Variants in ARB2A observed in about 807,000 individuals in gnomAD.
ARB2A encodes ARB2 cotranscriptional regulator A.
the ARB2A span, among the ~76,000 whole-genome samples, chr5:93,705,864 T>C: frequency 1.3e-5 from 2 of 152,114 alleles, no homozygotes; most frequent in African/African-American, 2.4e-5. Flanking sequence ...GTATTTGAGA[T>C]TACTTGCTAA....
chr5:94,051,362 T>C, the ARB2A span, among the ~76,000 whole-genome samples: 3 of 152,232 alleles, frequency 2.0e-5, no homozygotes, highest in African/African-American at 7.2e-5. Flanking sequence ...ATTTCTCAAC[T>C]AGGTCTTCAA....
chr5:93,985,323 T>A, the ARB2A span, among the ~76,000 whole-genome samples: 1 of 152,160 alleles, frequency 6.6e-6, no homozygotes, highest in African/African-American at 2.4e-5. Context: ...TTAAGTTACT[T>A]AATGCTTCTC....
the ARB2A span, among the ~76,000 whole-genome samples, chr5:93,718,421 A>C: frequency 6.6e-6 from 1 of 152,038 alleles, no homozygotes; most frequent in African/African-American, 2.4e-5. Flanking sequence ...TGGGCAATGG[A>C]GCGAGACTCC....
the ARB2A span, among the ~76,000 whole-genome samples, chr5:93,844,289 C>T: frequency 6.6e-6 from 1 of 151,732 alleles, no homozygotes; most frequent in Non-Finnish European, 1.5e-5. Context: ...ACTAACAATA[C>T]AAAAATTAGC....
chr5:93,865,008 G>C, the ARB2A span, among the ~76,000 whole-genome samples: 2 of 152,138 alleles, frequency 1.3e-5, no homozygotes, highest in Non-Finnish European at 2.9e-5. Context: ...GAAGAGATCT[G>C]TTCCAACATG....
chr5:93,927,616 A>G, the ARB2A span, among the ~76,000 whole-genome samples: 4 of 152,198 alleles, frequency 2.6e-5, no homozygotes, highest in Non-Finnish European at 5.9e-5. Flanking sequence ...ATTTACTAGT[A>G]ATAAAGATGA....
At chr5:93,829,991 C>G in the ARB2A span, among the ~76,000 whole-genome samples, 1 of 151,978 alleles carries the variant, frequency 6.6e-6, no homozygotes, top group Admixed American at 6.6e-5. Context: ...TAGCACTTTT[C>G]TGTAGACATA....
At chr5:93,769,180 T>C in the ARB2A span, among the ~76,000 whole-genome samples, 1 of 152,174 alleles carries the variant, frequency 6.6e-6, no homozygotes, top group Non-Finnish European at 1.5e-5. Context: ...TGTATGTTTA[T>C]AGGCAATTTC....
At chr5:93,621,089 C>T in the ARB2A span, 1 of 1,612,150 alleles carries the variant, frequency 6.2e-7, no homozygotes, top group Non-Finnish European at 8.5e-7. Context: ...TGAAAATAGA[C>T]GGAAAGCTCT....
the ARB2A span, among the ~76,000 whole-genome samples, chr5:93,921,409 G>C: frequency 1.4e-4 from 21 of 152,140 alleles, no homozygotes; most frequent in Non-Finnish European, 2.4e-4. Flanking sequence ...TGCCAGTAAA[G>C]AGTGGTTTGA....
chr5:93,917,095 C>T, the ARB2A span, among the ~76,000 whole-genome samples: 2 of 152,076 alleles, frequency 1.3e-5, no homozygotes, highest in Admixed American at 6.6e-5. Flanking sequence ...CAAATGTATG[C>T]GTATTATCTT....
At chr5:93,796,575 C>T in the ARB2A span, among the ~76,000 whole-genome samples, 4 of 152,098 alleles carry the variant, frequency 2.6e-5, no homozygotes, top group Non-Finnish European at 5.9e-5. Flanking sequence ...AATATTTGAA[C>T]GAGGATCTCC....
chr5:93,909,749 C>T, the ARB2A span, among the ~76,000 whole-genome samples: 6 of 150,450 alleles, frequency 4.0e-5, no homozygotes, highest in East Asian at 7.8e-4. Flanking sequence ...ATATGAAAGC[C>T]CCCCTACTTA....
the ARB2A span, among the ~76,000 whole-genome samples, chr5:93,993,946 C>A: frequency 6.6e-6 from 1 of 151,764 alleles, no homozygotes; most frequent in Non-Finnish European, 1.5e-5. Flanking sequence ...AGAATTATAA[C>A]AAAATAAGCA....
chr5:94,012,688 T>C, the ARB2A span, among the ~76,000 whole-genome samples: 19 of 152,332 alleles, frequency 1.2e-4, no homozygotes, highest in South Asian at 3.3e-3. Context: ...ACTCACGGGC[T>C]TGTAAGCAAA....
At chr5:93,741,799 G>A in the ARB2A span, 1 of 467,838 alleles carries the variant, frequency 2.1e-6, no homozygotes, top group Non-Finnish European at 3.7e-6. Context: ...GAGGTACAAA[G>A]CTCCCTTGTG....
At chr5:93,744,162 C>G in the ARB2A span, among the ~76,000 whole-genome samples, 2 of 152,050 alleles carry the variant, frequency 1.3e-5, no homozygotes, top group African/African-American at 4.8e-5. Context: ...CTTGGCCAGG[C>G]ACGGTGGCTC....
chr5:93,909,273 G>C, the ARB2A span, among the ~76,000 whole-genome samples: 2 of 151,084 alleles, frequency 1.3e-5, no homozygotes, highest in East Asian at 3.9e-4. Flanking sequence ...GTAATTTTAA[G>C]AGATAATTAA....
At chr5:93,881,300 T>C in the ARB2A span, 1 of 506,090 alleles carries the variant, frequency 2.0e-6, no homozygotes, top group Non-Finnish European at 3.4e-6. Flanking sequence ...GAATGATGCG[T>C]TTTGTAATTC....
Sources: gnomAD v4.1 joint callset for allele counts (sites outside exome capture counted in the v4.1 genomes callset) on GRCh38, gnomAD v4.1.1 for gene constraint, MANE v1.5 for transcripts, NCBI Gene and HGNC (gene_info 2026-07-23, HGNC 2026-07-21) for gene names.